Variants in ITGA11 observed in about 807,000 individuals in gnomAD.
ITGA11 encodes the protein integrin alpha-11.
ITGA11 carries 97 observed loss-of-function variants against 141.9 expected under a neutral mutation model. The ratio of observed to expected loss-of-function variants is 0.68; its 90% CI spans 0.58 to 0.81. The LOEUF (loss-of-function observed/expected upper bound fraction) is 0.81, where lower values mean the gene tolerates loss of function less well. Among genes scored for constraint, ITGA11 ranks in the 30% least tolerant of loss-of-function variants. The pLI, the probability that ITGA11 is intolerant of heterozygous loss-of-function variation, is 0.00. For missense variants in ITGA11, 1,387 were observed against 1,559.2 expected (o/e 0.89, Z 1.86); for synonymous variants, 658 against 624.6 (o/e 1.05, Z -0.80).
chr15:68,429,608 A>G lies in ITGA11; in HGVS notation c.52+2407T>C, dbSNP rs144326942. On this transcript the variant is annotated intron_variant, in intron 1 of 29. Transcript: ENST00000315757. ...CCTGCCCAGCCAAACTGCCATCACC[A>G]GTAGACAAGCTTCCTGGTAATCCTC... Among the ~76,000 whole-genome samples, 19 of 152,336 alleles carry G rather than the reference A, an allele frequency of 1.2e-4. No homozygotes were observed. The East Asian group carries it at 3.3e-3, about 26-fold the overall frequency.
Position 68,381,836 on chromosome 15 carries a change from G to A in ITGA11, c.165-12552C>T, listed in dbSNP as rs1250260714. ...CTCCCAAAGTGCTGGGATTATAGAC[G>A]TGAGCCACCGCACCCAGCTACATTC... On this transcript the variant is annotated intron_variant, in intron 2 of 29. Transcript: ENST00000315757. Among the ~76,000 whole-genome samples, 4 of 152,176 alleles carry A rather than the reference G, an allele frequency of 2.6e-5. No individual in the cohort carries two copies. In the East Asian group the frequency reaches 5.8e-4, roughly 22 times the overall value.
chr15:68,380,209 A>G (rs1895824721), intron 2 of ITGA11, among the ~76,000 whole-genome samples: 1 of 152,194 alleles, frequency 6.6e-6, no homozygotes. Flanking sequence ...GGATTTGGGT[A>G]ACGCAGAAAA....
At chr15:68,355,453 TTC>T (rs1567141948) in intron 7 of ITGA11, among the ~76,000 whole-genome samples, 1 of 152,020 alleles carries the variant, frequency 6.6e-6, no homozygotes. Context: ...TTTTCTTTTT[TTC>T]TTTTTTTTTT....
chr15:68,313,533 C>A (rs1169125155), intron 23 of ITGA11, among the ~76,000 whole-genome samples: 3 of 152,196 alleles, frequency 2.0e-5, no homozygotes, highest in East Asian at 1.9e-4. Flanking sequence ...TCCCTTCTTG[C>A]CCCTGCTGGG....
chr15:68,389,938 C>A (rs1002342045), intron 2 of ITGA11, among the ~76,000 whole-genome samples: 6 of 152,174 alleles, frequency 3.9e-5, no homozygotes, highest in Non-Finnish European at 8.8e-5. Context: ...TGCATTGGAG[C>A]TGCTGGGACA....
intron 11 of ITGA11, among the ~76,000 whole-genome samples, chr15:68,338,059 C>T (rs150155785): frequency 6.6e-6 from 1 of 152,372 alleles, no homozygotes; most frequent in Non-Finnish European, 1.5e-5. Flanking sequence ...GGCCCTGGGA[C>T]ACCCTGATGT....
intron 2 of ITGA11, 108 bp from the exon 3 acceptor site, chr15:68,369,392 G>GGGGGGGGGGGGGGCC: frequency 5.3e-6 from 1 of 187,570 alleles, no homozygotes. Flanking sequence ...GGGAGGGTGG[G>GGGGGGGGGGGGGGCC]AGGGAACCCT....
At chr15:68,316,748 A>G (rs1893593516) in intron 21 of ITGA11, among the ~76,000 whole-genome samples, 1 of 152,118 alleles carries the variant, frequency 6.6e-6, no homozygotes, top group Admixed American at 6.5e-5. Flanking sequence ...CCTACTCCAG[A>G]ACCTTCTATG....
chr15:68,380,879 T>C lies in ITGA11; in HGVS notation c.165-11595A>G, dbSNP rs116092397. Among the ~76,000 whole-genome samples, 801 of 152,262 alleles carry C rather than the reference T, an allele frequency of 5.3e-3. 8 individuals are homozygous for C. Among genetic ancestry groups the C allele is most frequent in the African/African-American group, 0.019 (774 of 41,548 alleles). ...GTCCTCTCCCTTCTTGCCTCACTTG[T>C]CCAGAGAACTCTACTTAAAGTGGTC... On this transcript the variant is annotated intron_variant, in intron 2 of 29. Transcript: ENST00000315757.
Position 68,335,805 on chromosome 15 carries a change from C to T in ITGA11, c.1317G>A (p.Arg439=), listed in dbSNP as rs2306023. Residue 439 remains arginine (R), a synonymous_variant, in exon 12 of 30, where the codon CGG becomes CGA. Coordinates refer to ENST00000315757, the MANE Select transcript of ITGA11 (RefSeq NM_001004439.2). The surrounding 1 kb of genome is among the most constrained non-coding windows in gnomAD (Gnocchi z 4.9). ...VTSVVSSRQG[R]VYVAGAPRFN... ...ACCGGGGGGCTCCGGCCACGTACAC[C>T]CGCCCCTGCCTGGAGGACACGACCG... 1,230,952 of 1,612,824 alleles carry T rather than the reference C, an allele frequency of 0.76. 479,127 individuals are homozygous for T. Among genetic ancestry groups the T allele is most frequent in the East Asian group, 0.82 (36,974 of 44,824 alleles).
At chr15:68,341,912 G>A (rs1053784225) in intron 10 of ITGA11, among the ~76,000 whole-genome samples, 6 of 152,198 alleles carry the variant, frequency 3.9e-5, no homozygotes, top group African/African-American at 1.2e-4. Context: ...TTGGCCAGGC[G>A]ATCGCTTACA....
rs1480915965 is a variant in ITGA11, at chr15:68,328,733, T to C, written c.1902-471A>G. Among the ~76,000 whole-genome samples, 1 of 152,188 alleles carries C rather than the reference T, an allele frequency of 6.6e-6. No homozygotes were observed. Among genetic ancestry groups the C allele is most frequent in the African/African-American group, 2.4e-5 (1 of 41,444 alleles). ...AATTTTCATATGTGTGCACGCCCCCTGGGGATCATGTTAAAATGCAGATTT... is the reference window on the plus strand; with the variant it reads ...AATTTTCATATGTGTGCACGCCCCCCGGGGATCATGTTAAAATGCAGATTT... On this transcript the variant is annotated intron_variant, in intron 15 of 29. Transcript: ENST00000315757. The surrounding 1 kb of genome is among the most constrained non-coding windows in gnomAD (Gnocchi z 4.8).
At position 68,326,524 on chromosome 15, in the gene ITGA11, C is replaced by T. The variant is rs1331443315; in HGVS notation, c.2211+130G>A. 2.0e-6 allele frequency: 2 copies of T among 987,198 alleles called. No homozygotes were observed. The highest frequency in any genetic ancestry group is 2.9e-6 in the Non-Finnish European group (2 of 685,882). 61.2% of individuals were successfully genotyped at this position (987,198 alleles called of 1,614,324 possible). A position where few individuals can be genotyped will look rare whatever the true frequency, so the allele number is the denominator to read the frequency against. ...ATGTGGAGTGGCCAAGGTCAGGGTA[C>T]ACTGTCCCTGGCTGGCTTCCTGAGG... On this transcript the variant is annotated intron_variant, in intron 17 of 29. Coordinates refer to ENST00000315757, the MANE Select transcript of ITGA11 (RefSeq NM_001004439.2). The surrounding 1 kb of genome is among the most constrained non-coding windows in gnomAD (Gnocchi z 6.8).
chr15:68,314,745 G>A (rs1300544854), intron 22 of ITGA11, among the ~76,000 whole-genome samples: 3 of 152,332 alleles, frequency 2.0e-5, no homozygotes, highest in East Asian at 3.9e-4. Flanking sequence ...GCCACGTGGT[G>A]TGTGAGAATT....
intron 1 of ITGA11, among the ~76,000 whole-genome samples, chr15:68,413,867 G>A (rs74653189): frequency 0.02 from 3,032 of 152,268 alleles, 93 homozygotes; most frequent in African/African-American, 0.069. Context: ...GAAATCTCCA[G>A]GCAAAAACGA....
intron 16 of ITGA11, among the ~76,000 whole-genome samples, chr15:68,327,053 G>A (rs1267766392): frequency 7.9e-5 from 12 of 152,092 alleles, no homozygotes; most frequent in South Asian, 2.1e-4. Flanking sequence ...AGTGAACACC[G>A]CAGATGAGGA....
At chr15:68,306,696 G>A (rs924051773) in intron 28 of ITGA11, among the ~76,000 whole-genome samples, 1 of 152,284 alleles carries the variant, frequency 6.6e-6, no homozygotes, top group South Asian at 2.1e-4. Context: ...GGTTTTTGTT[G>A]GATTGTTTTA....
At chr15:68,405,860 A>G (rs1028660416) in intron 1 of ITGA11, among the ~76,000 whole-genome samples, 7 of 152,168 alleles carry the variant, frequency 4.6e-5, no homozygotes, top group African/African-American at 1.7e-4. Flanking sequence ...GAATGAACAC[A>G]CACGTATGCA....
At position 68,364,753 on chromosome 15, in the gene ITGA11, C is replaced by T. The variant is rs200757549; in HGVS notation, c.311G>A (p.Arg104His). Residue 104 changes from arginine to histidine, a missense_variant, in exon 4 of 30, where the codon CGC (arginine) becomes CAC (histidine). Coordinates refer to ENST00000315757, the MANE Select transcript of ITGA11 (RefSeq NM_001004439.2). ...SNVSERKDNM[R>H]LGLSLATNPK... is the part of the protein sequence containing the mutation. ...GTTGGTGGCGAGACTAAGGCCGAGG[C>T]GCATGTTGTCTTTCCGCTCGGACAC... The T allele has an allele frequency of 2.0e-5, 32 of 1,612,970 alleles. No homozygotes were observed. Among genetic ancestry groups the T allele is most frequent in the African/African-American group, 1.5e-4 (11 of 74,826 alleles).
Sources: gnomAD v4.1 joint callset for allele counts (sites outside exome capture counted in the v4.1 genomes callset) on GRCh38, gnomAD v4.1.1 for gene constraint, Gnocchi (gnomAD v3.1) non-coding constraint, MANE v1.5 for transcripts, NCBI Gene and HGNC (gene_info 2026-07-23, HGNC 2026-07-21) for gene names.